Variants in ABTB3 observed in about 807,000 individuals in gnomAD.
The protein encoded by ABTB3 is ankyrin repeat- and BTB/POZ domain-containing protein 3.
the ABTB3 span, among the ~76,000 whole-genome samples, chr12:107,643,163 A>G: frequency 2.0e-5 from 3 of 152,090 alleles, no homozygotes; most frequent in Non-Finnish European, 2.9e-5. Flanking sequence ...TGGGAGGCCA[A>G]TGTGGGCTGA....
At chr12:107,321,403 C>T in the ABTB3 span, among the ~76,000 whole-genome samples, 1 of 152,104 alleles carries the variant, frequency 6.6e-6, no homozygotes. Context: ...GGAAACCGAC[C>T]CTGCCGCCCT....
At chr12:107,582,913 T>C in the ABTB3 span, among the ~76,000 whole-genome samples, 16,883 of 152,208 alleles carry the variant, frequency 0.11, 1,060 homozygotes, top group African/African-American at 0.15. Context: ...GACTGCTGGG[T>C]GACAGGGAAG....
the ABTB3 span, among the ~76,000 whole-genome samples, chr12:107,597,516 A>T: frequency 6.6e-6 from 1 of 152,182 alleles, no homozygotes; most frequent in Non-Finnish European, 1.5e-5. Flanking sequence ...TAATAGCATT[A>T]ACCCATTCTT....
the ABTB3 span, among the ~76,000 whole-genome samples, chr12:107,513,635 G>A: frequency 6.6e-6 from 1 of 152,160 alleles, no homozygotes. Context: ...TTTCCTCATA[G>A]CAGTGTGAAA....
At chr12:107,499,665 G>A in the ABTB3 span, among the ~76,000 whole-genome samples, 1 of 150,966 alleles carries the variant, frequency 6.6e-6, no homozygotes, top group African/African-American at 2.5e-5. Context: ...AGGGGGCAGG[G>A]GGACTGCCAG....
At chr12:107,464,511 A>C in the ABTB3 span, among the ~76,000 whole-genome samples, 1 of 152,052 alleles carries the variant, frequency 6.6e-6, no homozygotes, top group East Asian at 1.9e-4. Flanking sequence ...GGGTCTCACT[A>C]TGTTGCCCAG....
the ABTB3 span, among the ~76,000 whole-genome samples, chr12:107,341,980 G>T: frequency 6.6e-6 from 1 of 152,128 alleles, no homozygotes; most frequent in Non-Finnish European, 1.5e-5. Context: ...CCAACATCAC[G>T]CTTCCTCTAC....
the ABTB3 span, chr12:107,520,589 T>C: frequency 6.2e-7 from 1 of 1,614,208 alleles, no homozygotes; most frequent in Non-Finnish European, 8.5e-7. Flanking sequence ...CTGAGGACCA[T>C]CGAGCAGTCT....
the ABTB3 span, among the ~76,000 whole-genome samples, chr12:107,435,301 G>A: frequency 6.6e-6 from 1 of 152,218 alleles, no homozygotes; most frequent in Admixed American, 6.5e-5. Flanking sequence ...TCCACACACT[G>A]TAGGAGGAGC....
At chr12:107,513,443 G>A in the ABTB3 span, among the ~76,000 whole-genome samples, 14,133 of 152,122 alleles carry the variant, frequency 0.093, 758 homozygotes, top group South Asian at 0.14. Context: ...GAGATCTGAT[G>A]GTTTTGTAAA....
At chr12:107,555,197 A>G in the ABTB3 span, among the ~76,000 whole-genome samples, 1 of 152,200 alleles carries the variant, frequency 6.6e-6, no homozygotes, top group Non-Finnish European at 1.5e-5. Flanking sequence ...ATGAGTGACA[A>G]GCTGTGCCAG....
chr12:107,353,540 G>T, the ABTB3 span, among the ~76,000 whole-genome samples: 1 of 152,284 alleles, frequency 6.6e-6, no homozygotes, highest in Admixed American at 6.5e-5. Context: ...TGAAATGGGG[G>T]TGATTATACT....
chr12:107,565,524 C>A, the ABTB3 span, among the ~76,000 whole-genome samples: 1 of 152,138 alleles, frequency 6.6e-6, no homozygotes, highest in Non-Finnish European at 1.5e-5. Flanking sequence ...CTTCTCCATG[C>A]ACCTTGCACC....
At chr12:107,413,999 A>G in the ABTB3 span, among the ~76,000 whole-genome samples, 2 of 152,240 alleles carry the variant, frequency 1.3e-5, no homozygotes, top group Admixed American at 1.3e-4. Flanking sequence ...TCTGGGGCAC[A>G]CAAGAGAAAA....
At chr12:107,642,388 A>G in the ABTB3 span, among the ~76,000 whole-genome samples, 1 of 152,160 alleles carries the variant, frequency 6.6e-6, no homozygotes, top group Non-Finnish European at 1.5e-5. Flanking sequence ...CACTGTGCTA[A>G]GGGCTGGGGA....
At chr12:107,508,439 T>C in the ABTB3 span, among the ~76,000 whole-genome samples, 1 of 34,894 alleles carries the variant, frequency 2.9e-5, no homozygotes, top group Admixed American at 4.0e-4. Flanking sequence ...AGATCATTTC[T>C]TTTTTTTTTT....
the ABTB3 span, among the ~76,000 whole-genome samples, chr12:107,408,237 A>T: frequency 6.6e-6 from 1 of 152,212 alleles, no homozygotes; most frequent in Non-Finnish European, 1.5e-5. Context: ...CAGAGAAGTA[A>T]TTTGGAAAGT....
the ABTB3 span, among the ~76,000 whole-genome samples, chr12:107,437,295 C>T: frequency 1.3e-5 from 2 of 152,210 alleles, no homozygotes; most frequent in Non-Finnish European, 2.9e-5. Context: ...TTCTTTGCCT[C>T]TTTCAGCTTC....
At chr12:107,344,620 G>A in the ABTB3 span, among the ~76,000 whole-genome samples, 5 of 152,164 alleles carry the variant, frequency 3.3e-5, no homozygotes, top group Admixed American at 6.5e-5. Context: ...AATTGACCTC[G>A]TGGAGGGATG....
Sources: allele counts gnomAD v4.1 joint callset (sites outside exome capture counted in the v4.1 genomes callset), GRCh38; gene constraint gnomAD v4.1.1; transcripts MANE v1.5; gene names NCBI Gene and HGNC (gene_info 2026-07-23, HGNC 2026-07-21).